SLC16A10: variants seen among roughly 807,000 people sequenced by gnomAD.
SLC16A10 encodes monocarboxylate transporter 10.
A neutral mutation model predicts 40.0 loss-of-function variants in SLC16A10; 27 were observed. The observed-to-expected ratio is 0.67, with a 90% CI of 0.50 to 0.93. SLC16A10 has a LOEUF of 0.93. Among genes scored for constraint, SLC16A10 ranks in the 40% least tolerant of loss-of-function variants. SLC16A10 has a pLI of 0.00. For synonymous variants in SLC16A10, 213 were observed against 249.8 expected (o/e 0.85, Z 1.39); for missense variants, 529 against 658.2 (o/e 0.80, Z 2.15).
chr6:111,159,543 T>A (rs754693529), intron 1 of SLC16A10, among the ~76,000 whole-genome samples: 1 of 152,236 alleles, frequency 6.6e-6, no homozygotes, highest in Non-Finnish European at 1.5e-5. Context: ...TTATAGACAT[T>A]TGGGTTCTTT....
intron 1 of SLC16A10, among the ~76,000 whole-genome samples, chr6:111,104,366 A>G (rs561225644): frequency 7.0e-4 from 106 of 152,336 alleles, no homozygotes; most frequent in African/African-American, 2.3e-3. Context: ...GATGTGAGAC[A>G]TTTCAAAGGA....
At position 111,225,317 on chromosome 6, in the gene SLC16A10, G is replaced by A. The variant is rs1024833248; in HGVS notation, c.*3082G>A. The A allele has an allele frequency of 5.3e-5, 8 of 152,218 alleles. No individual in the cohort carries two copies. The highest frequency in any genetic ancestry group is 1.7e-4 in the African/African-American group (7 of 41,446). The allele number at this position is 152,218 out of a possible 1,614,324, so 9.4% of individuals were successfully genotyped here. The stretch of plus-strand genomic sequence containing the variant: ...CGCTTGTAATCCCAGCACTTTGGGA[G>A]GCTGAGGCAGGCGGATTGCCTGAGC... On this transcript the variant is annotated 3_prime_UTR_variant, in exon 6 of 6. Transcript: ENST00000368851.
intron 3 of SLC16A10, among the ~76,000 whole-genome samples, chr6:111,202,211 C>T (rs941076688): frequency 6.6e-6 from 1 of 152,164 alleles, no homozygotes; most frequent in Non-Finnish European, 1.5e-5. Flanking sequence ...TGTGGTGGCT[C>T]ATGCCTGTAA....
intron 1 of SLC16A10, among the ~76,000 whole-genome samples, chr6:111,167,545 C>A (rs968114197): frequency 1.1e-4 from 17 of 151,856 alleles, no homozygotes; most frequent in African/African-American, 3.9e-4. Flanking sequence ...AGGAGAGATC[C>A]TTGGGGGGAA....
intron 3 of SLC16A10, among the ~76,000 whole-genome samples, chr6:111,182,891 C>T (rs1416281465): frequency 6.6e-6 from 1 of 152,132 alleles, no homozygotes; most frequent in African/African-American, 2.4e-5. Context: ...CAGGATCTGA[C>T]CACCTCTCAC....
At chr6:111,183,944 C>T (rs958164273) in intron 3 of SLC16A10, among the ~76,000 whole-genome samples, 4 of 152,098 alleles carry the variant, frequency 2.6e-5, no homozygotes, top group African/African-American at 7.2e-5. Flanking sequence ...CATAGGGCCT[C>T]GTGAGATAAC....
At position 111,105,873 on chromosome 6, in the gene SLC16A10, C is replaced by T. The variant is rs1020315065; in HGVS notation, c.343+17778C>T. Among the ~76,000 whole-genome samples, 6 of 152,264 alleles carry T rather than the reference C, an allele frequency of 3.9e-5. No homozygotes were observed. The East Asian group carries it at 5.8e-4, about 15-fold the overall frequency. ...ACCCTGGAGGAAGAACCAGTAACAGCAGAGGGTGGATGAAAGGGAATTGAT... is the reference window on the plus strand; with the variant it reads ...ACCCTGGAGGAAGAACCAGTAACAGTAGAGGGTGGATGAAAGGGAATTGAT... On this transcript the variant is annotated intron_variant, in intron 1 of 5. Coordinates refer to ENST00000368851, the MANE Select transcript of SLC16A10 (RefSeq NM_018593.5).
chr6:111,091,364 A>G (rs1770972184), intron 1 of SLC16A10: 1 of 152,110 alleles, frequency 6.6e-6, no homozygotes, highest in South Asian at 2.1e-4. Flanking sequence ...ATCATATTGC[A>G]TTGACTAGAT....
At chr6:111,188,333 C>A in intron 3 of SLC16A10, among the ~76,000 whole-genome samples, 1 of 150,430 alleles carries the variant, frequency 6.6e-6, no homozygotes, top group African/African-American at 2.4e-5. Flanking sequence ...TTTTTCTTAA[C>A]TATGCAGAAT....
At chr6:111,136,706 A>G (rs573442446) in intron 1 of SLC16A10, among the ~76,000 whole-genome samples, 1 of 152,290 alleles carries the variant, frequency 6.6e-6, no homozygotes, top group Admixed American at 6.5e-5. Flanking sequence ...CAACTTGTAT[A>G]CTGATGAAAG....
chr6:111,091,591 C>T (rs1190630680), intron 1 of SLC16A10, among the ~76,000 whole-genome samples: 4 of 152,120 alleles, frequency 2.6e-5, no homozygotes, highest in Non-Finnish European at 4.4e-5. Flanking sequence ...TTCCATATGC[C>T]GTTCAAGCAA....
At chr6:111,121,058 A>C (rs1363421021) in intron 1 of SLC16A10, among the ~76,000 whole-genome samples, 1 of 152,202 alleles carries the variant, frequency 6.6e-6, no homozygotes, top group African/African-American at 2.4e-5. Context: ...CATTCATTCA[A>C]AGTATATTTG....
intron 3 of SLC16A10, among the ~76,000 whole-genome samples, chr6:111,184,622 C>T (rs1412599257): frequency 1.2e-4 from 18 of 151,978 alleles, no homozygotes; most frequent in East Asian, 3.9e-4. Context: ...GCTGGGATTA[C>T]AGGTACCTGC....
intron 1 of SLC16A10, among the ~76,000 whole-genome samples, chr6:111,100,992 C>CTCTATATA (rs1410556945): frequency 4.5e-5 from 3 of 66,420 alleles, no homozygotes; most frequent in East Asian, 4.6e-4. Flanking sequence ...CTCTCTCTCT[C>CTCTATATA]TATATATATA....
chr6:111,127,203 C>T (rs1472137869), intron 1 of SLC16A10, among the ~76,000 whole-genome samples: 2 of 152,256 alleles, frequency 1.3e-5, no homozygotes, highest in East Asian at 3.9e-4. Flanking sequence ...AATGAGTCAA[C>T]AAGAATTTTA....
At chr6:111,133,113 C>CA in intron 1 of SLC16A10, among the ~76,000 whole-genome samples, 1 of 152,174 alleles carries the variant, frequency 6.6e-6, no homozygotes, top group East Asian at 1.9e-4. Flanking sequence ...CACCCCTGAG[C>CA]AAAAAAGCAA....
chr6:111,147,207 A>C (rs915716963), intron 1 of SLC16A10, among the ~76,000 whole-genome samples: 1 of 152,232 alleles, frequency 6.6e-6, no homozygotes, highest in African/African-American at 2.4e-5. Context: ...TGGTATGTGA[A>C]TGATACCTCA....
chr6:111,151,364 G>A lies in SLC16A10; in HGVS notation c.344-21331G>A, dbSNP rs74483796. Among the ~76,000 whole-genome samples, 212 of 151,962 alleles carry A rather than the reference G, an allele frequency of 1.4e-3. 2 individuals are homozygous for A. In the East Asian group the frequency reaches 0.034, roughly 24 times the overall value. ...ATCTGTCTTCCCCTCACTTTACCACGTAGCTAAATCTCTTAAGAGCCAACC... is the reference window on the plus strand; with the variant it reads ...ATCTGTCTTCCCCTCACTTTACCACATAGCTAAATCTCTTAAGAGCCAACC... On this transcript the variant is annotated intron_variant, in intron 1 of 5. Transcript: ENST00000368851.
At chr6:111,186,288 T>C (rs776040354) in intron 3 of SLC16A10, among the ~76,000 whole-genome samples, 61 of 152,242 alleles carry the variant, frequency 4.0e-4, no homozygotes, top group Non-Finnish European at 2.1e-4. Flanking sequence ...TCAAATTTCA[T>C]TTCTAATATG....
Sources: allele counts gnomAD v4.1 joint callset (sites outside exome capture counted in the v4.1 genomes callset), GRCh38; gene constraint gnomAD v4.1.1; transcripts MANE v1.5; gene names NCBI Gene and HGNC (gene_info 2026-07-23, HGNC 2026-07-21).